RAPGEF4: variants seen among roughly 807,000 people sequenced by gnomAD.
RAPGEF4 encodes the protein RAP guanine-nucleotide-exchange factor (GEF) 4.
A neutral mutation model predicts 147.9 loss-of-function variants in RAPGEF4; 66 were observed. The observed-to-expected ratio is 0.45, with a 90% confidence interval of 0.37 to 0.55. RAPGEF4 has a LOEUF of 0.55. Ranked by LOEUF, RAPGEF4 falls within the 20% of genes least tolerant of loss-of-function variation. The pLI, the probability that RAPGEF4 is intolerant of heterozygous loss-of-function variation, is 0.00. For synonymous variants in RAPGEF4, 419 were observed against 442.7 expected (o/e 0.95, Z 0.67); for missense variants, 1,071 against 1,257.3 (o/e 0.85, Z 2.24).
intron 4 of RAPGEF4, among the ~76,000 whole-genome samples, chr2:172,853,435 GTTA>G (rs1424863491): frequency 2.0e-5 from 3 of 151,800 alleles, no homozygotes; most frequent in Admixed American, 6.6e-5. Flanking sequence ...GTTTATTATA[GTTA>G]TCATCTTTTC....
chr2:172,766,785 C>G (rs968005949), intron 1 of RAPGEF4, among the ~76,000 whole-genome samples: 2 of 152,130 alleles, frequency 1.3e-5, no homozygotes, highest in Non-Finnish European at 2.9e-5. Flanking sequence ...AATAGATACT[C>G]TTTTCTGTAA....
In RAPGEF4 at chr2:173,006,159, T is replaced by A. The variant is rs1201921116; in HGVS notation, c.1658+4815T>A. The stretch of plus-strand genomic sequence containing the variant: ...TATAACTCCAATTGCCAGCAGCAGC[T>A]ATCTTACAACCATGATGGGAATGAA... On this transcript the variant is annotated intron_variant, in intron 17 of 30. Transcript: ENST00000397081. Among the ~76,000 whole-genome samples, 3 of 152,208 alleles carry A rather than the reference T, an allele frequency of 2.0e-5. No individual in the cohort carries two copies. The East Asian group carries it at 5.8e-4, about 29-fold the overall frequency.
chr2:172,857,182 A>G (rs1333126879), intron 4 of RAPGEF4, among the ~76,000 whole-genome samples: 3 of 152,022 alleles, frequency 2.0e-5, no homozygotes, highest in Non-Finnish European at 2.9e-5. Context: ...GCGCACACAC[A>G]CACACACACA....
At chr2:172,948,074 G>A (rs939726066) in intron 6 of RAPGEF4, among the ~76,000 whole-genome samples, 10 of 152,042 alleles carry the variant, frequency 6.6e-5, no homozygotes, top group African/African-American at 1.7e-4. Flanking sequence ...TTCAGCATTC[G>A]GTTTGTGAGA....
intron 4 of RAPGEF4, among the ~76,000 whole-genome samples, chr2:172,876,154 A>G (rs893185599): frequency 4.6e-5 from 7 of 152,190 alleles, no homozygotes; most frequent in Admixed American, 1.3e-4. Context: ...TTGGGCTGAG[A>G]CGATGGGGTT....
At chr2:172,928,938 G>A (rs989160199) in intron 6 of RAPGEF4, among the ~76,000 whole-genome samples, 1 of 152,198 alleles carries the variant, frequency 6.6e-6, no homozygotes, top group African/African-American at 2.4e-5. Context: ...CAGGGAGGGA[G>A]GAGTGTGATG....
intron 4 of RAPGEF4, among the ~76,000 whole-genome samples, chr2:172,888,093 T>C (rs759430256): frequency 6.6e-6 from 1 of 152,170 alleles, no homozygotes; most frequent in Non-Finnish European, 1.5e-5. Flanking sequence ...TGGAACCAAG[T>C]AGATGCTCAA....
In RAPGEF4 at chr2:172,983,673, G is replaced by C. The variant is rs192899333; in HGVS notation, c.1089+93G>C. On this transcript the variant is annotated intron_variant, in intron 11 of 30. Transcript: ENST00000397081. ...AGTATTACGGTGTTGTGGGGGGAAA[G>C]AATGTCTGATTTTCACCTCATAAAT... 76 of 1,509,288 alleles carry C rather than the reference G, an allele frequency of 5.0e-5. 1 individual carries two copies. The East Asian group carries it at 1.7e-3, about 34-fold the overall frequency. The allele number at this position is 1,509,288 out of a possible 1,614,324, so 93.5% of individuals were successfully genotyped here.
intron 4 of RAPGEF4, among the ~76,000 whole-genome samples, chr2:172,904,598 G>A (rs1287840400): frequency 6.6e-6 from 1 of 152,114 alleles, no homozygotes; most frequent in Non-Finnish European, 1.5e-5. Context: ...CATATGAAAG[G>A]CACAAATGGG....
intron 3 of RAPGEF4, among the ~76,000 whole-genome samples, chr2:172,809,705 T>C (rs1687840258): frequency 6.6e-6 from 1 of 152,016 alleles, no homozygotes; most frequent in African/African-American, 2.4e-5. Context: ...TAATTTTTAA[T>C]TTATTTTTTA....
chr2:172,806,719 G>A (rs942083613), intron 3 of RAPGEF4, among the ~76,000 whole-genome samples: 1 of 152,056 alleles, frequency 6.6e-6, no homozygotes, highest in Non-Finnish European at 1.5e-5. Context: ...ACTTGGCCTT[G>A]GTCATCACTT....
intron 1 of RAPGEF4, among the ~76,000 whole-genome samples, chr2:172,751,834 T>C (rs1695322780): frequency 6.6e-6 from 1 of 152,182 alleles, no homozygotes; most frequent in Non-Finnish European, 1.5e-5. Flanking sequence ...AGGCCTTTTT[T>C]TGGGAAAGTA....
chr2:172,918,400 C>G (rs1684334900), intron 5 of RAPGEF4, among the ~76,000 whole-genome samples: 2 of 151,258 alleles, frequency 1.3e-5, no homozygotes, highest in East Asian at 3.9e-4. Flanking sequence ...CACACACACA[C>G]ACACACACAC....
chr2:172,800,217 T>A (rs1441839246), intron 3 of RAPGEF4, among the ~76,000 whole-genome samples: 5 of 152,106 alleles, frequency 3.3e-5, no homozygotes, highest in Non-Finnish European at 1.5e-5. Flanking sequence ...TTTGTATCAC[T>A]AAAATAAAAG....
At chr2:172,772,781 G>A (rs1202744538) in intron 1 of RAPGEF4, among the ~76,000 whole-genome samples, 1 of 152,240 alleles carries the variant, frequency 6.6e-6, no homozygotes. Flanking sequence ...TGTGGTTGCT[G>A]TGCTAAGGCT....
chr2:172,766,045 A>G (rs1050080939), intron 1 of RAPGEF4, among the ~76,000 whole-genome samples: 8 of 152,192 alleles, frequency 5.3e-5, no homozygotes, highest in African/African-American at 1.9e-4. Context: ...TCAGTGTCAC[A>G]TGTGAATTAG....
intron 16 of RAPGEF4, among the ~76,000 whole-genome samples, chr2:172,998,097 G>A: frequency 6.6e-6 from 1 of 152,162 alleles, no homozygotes; most frequent in East Asian, 1.9e-4. Context: ...CCTGCCTTCA[G>A]GAAGCTTATA....
chr2:172,735,665 C>T (rs1693677145), upstream of RAPGEF4, among the ~76,000 whole-genome samples: 1 of 151,858 alleles, frequency 6.6e-6, no homozygotes, highest in Non-Finnish European at 1.5e-5. Context: ...GTCGCCACCC[C>T]CAGTGTCCCC....
At chr2:172,847,138 T>C (rs1406987735) in intron 4 of RAPGEF4, among the ~76,000 whole-genome samples, 1 of 152,188 alleles carries the variant, frequency 6.6e-6, no homozygotes, top group Non-Finnish European at 1.5e-5. Context: ...GGCAGTGTTC[T>C]TCCTTCTCTA....
Sources: gnomAD v4.1 joint callset for allele counts (sites outside exome capture counted in the v4.1 genomes callset) on GRCh38, gnomAD v4.1.1 for gene constraint, MANE v1.5 for transcripts, NCBI Gene and HGNC (gene_info 2026-07-23, HGNC 2026-07-21) for gene names.